The following CEACAM7 variants were observed in gnomAD, a reference collection of about 807,000 sequenced individuals.
CEACAM7 encodes the protein cell adhesion molecule CEACAM7.
A neutral mutation model predicts 25.7 loss-of-function variants in CEACAM7; 24 were observed. The ratio of observed to expected loss-of-function variants is 0.93; its 90% CI spans 0.68 to 1.31. The LOEUF (loss-of-function observed/expected upper bound fraction) is 1.31, where lower values mean the gene tolerates loss of function less well. CEACAM7 is among the 40% of genes most tolerant of loss of function. The pLI, the probability that CEACAM7 is intolerant of heterozygous loss-of-function variation, is 0.00. For synonymous variants in CEACAM7, 144 were observed against 129.4 expected, an observed-to-expected ratio of 1.11 and a Z score of -0.77; for missense variants, 324 against 330.1, an observed-to-expected ratio of 0.98 and a Z score of 0.14.
At chr19:41,680,039 C>T (rs1020812302) in intron 3 of CEACAM7, among the ~76,000 whole-genome samples, 22 of 132,914 alleles carry the variant, frequency 1.7e-4, no homozygotes, top group Middle Eastern at 5.0e-3. Context: ...AGGCTGGTCT[C>T]GAACTTGTGA....
At chr19:41,685,410 G>C (rs1373338620) in intron 2 of CEACAM7, among the ~76,000 whole-genome samples, 1 of 152,096 alleles carries the variant, frequency 6.6e-6, no homozygotes, top group African/African-American at 2.4e-5. Context: ...CACTGGGGTG[G>C]CTTTAGGGGC....
chr19:41,686,688 T>C (rs1317927866), intron 2 of CEACAM7, among the ~76,000 whole-genome samples, 171 bp downstream of exon 2: 1 of 152,122 alleles, frequency 6.6e-6, no homozygotes, highest in Non-Finnish European at 1.5e-5. Context: ...AGGAAAGGGA[T>C]TCTGGTCTGT....
Position 41,683,789 on chromosome 19 carries a change from G to A in CEACAM7, c.702C>T (p.Val234=), listed in dbSNP as rs782146934. Residue 234 remains valine, a synonymous_variant, in exon 3 of 5, where the codon GTC becomes GTT. Coordinates refer to ENST00000401731, the MANE Select transcript of CEACAM7 (RefSeq NM_001291485.2). ...ASRSDPVTLN[V]RYESVQASSP... is the part of the protein sequence containing the mutation. ...AGAGGAACAGAAGATACTCACAGCG[G>A]ACATTCAGGGTGACTGGGTCACTGC... is the stretch of plus-strand genomic sequence containing the variant. 26 of 1,614,028 alleles carry A rather than the reference G, an allele frequency of 1.6e-5. No individual in the cohort carries two copies. The highest frequency in any genetic ancestry group is 2.1e-5 in the Non-Finnish European group (25 of 1,179,906).
In CEACAM7 at chr19:41,683,879, G is replaced by A. The variant is rs1555810923; in HGVS notation, c.612C>T (p.Leu204=). 8.1e-6 allele frequency: 13 copies of A among 1,614,200 alleles called. No individual in the cohort carries two copies. Among genetic ancestry groups the A allele is most frequent in the East Asian group, 2.2e-5 (1 of 44,886 alleles). ...GTCCTATGTCATTCTTTGTGGCGCT[G>A]AGTAGAACGAGGGTCCTGTTGTCAG... The part of the protein sequence containing the change: ...LSTDNRTLVL[L]SATKNDIGPY... The change falls in exon 3 of 5, where the codon CTC becomes CTT. Residue 204 remains leucine (L), a synonymous_variant. Transcript: ENST00000401731.
chr19:41,680,298 T>A (rs527317223), intron 3 of CEACAM7, among the ~76,000 whole-genome samples: 9 of 151,994 alleles, frequency 5.9e-5, no homozygotes, highest in Non-Finnish European at 1.2e-4. Flanking sequence ...AAAGAATATA[T>A]TAATAAATGG....
chr19:41,684,201 C>T (rs528636303), intron 2 of CEACAM7, 138 bp from the exon 3 acceptor site: 2 of 858,670 alleles, frequency 2.3e-6, no homozygotes, highest in East Asian at 2.5e-5. Context: ...GTGTGTATCA[C>T]AAGACAGATG....
rs1026325414 is a variant in CEACAM7, at chr19:41,678,821, T to C, written c.707-1318A>G. Among the ~76,000 whole-genome samples the C allele has an allele frequency of 5.1e-4, 78 of 152,214 alleles. 3 individuals are homozygous for C. Among genetic ancestry groups the C allele is most frequent in the Admixed American group, 2.6e-4 (4 of 15,274 alleles). On this transcript the variant is annotated intron_variant, in intron 3 of 4. Transcript: ENST00000401731. The stretch of plus-strand genomic sequence containing the variant: ...TTACATTAAATCTTCAAAACAATAC[T>C]GTGAAACAGGCACTCTTATTGCAAT...
rs781950742 is a variant in CEACAM7 at position 41,687,182 on chromosome 19, T to C, written c.104A>G (p.Gln35Arg). 32 of 1,611,894 alleles carry C rather than the reference T, an allele frequency of 2.0e-5. No individual in the cohort carries two copies. The South Asian group carries it at 3.4e-4, about 17-fold the overall frequency. ...GAACGGCACGACATCAATATTGGTC[T>C]GGGCACTGTTTGGCAGGTTCCAGAA... ...LTFWNLPNSA[Q>R]TNIDVVPFNV... Residue 35 changes from glutamine (Q) to arginine (R), a missense_variant, in exon 2 of 5, where the codon CAG (glutamine) becomes CGG (arginine). Physicochemically the swap from Gln to Arg is conservative, Grantham distance 43. Coordinates refer to ENST00000401731, the MANE Select transcript of CEACAM7 (RefSeq NM_001291485.2).
rs1555810925 is a variant in CEACAM7 at position 41,683,881 on chromosome 19, G to T, written c.610C>A (p.Leu204Ile). 6.2e-7 allele frequency: 1 copy of T among 1,614,088 alleles called. No individual in the cohort carries two copies. The highest frequency in any genetic ancestry group is 8.5e-7 in the Non-Finnish European group (1 of 1,180,036). Residue 204 changes from leucine to isoleucine, a missense_variant, in exon 3 of 5, where the codon CTC becomes ATC. Leu to Ile is a conservative substitution (Grantham distance 5). Coordinates refer to ENST00000401731, the MANE Select transcript of CEACAM7 (RefSeq NM_001291485.2). Reference protein sequence around the residue: ...LSTDNRTLVLLSATKNDIGPY... With the variant: ...LSTDNRTLVLISATKNDIGPY... The stretch of plus-strand genomic sequence containing the variant: ...CCTATGTCATTCTTTGTGGCGCTGA[G>T]TAGAACGAGGGTCCTGTTGTCAGTG...
Position 41,683,849 on chromosome 19 carries a change from A to T in CEACAM7, c.642T>A (p.Tyr214Ter). ...CCACTGGGTTCTGTATTTCACATTCATAGGGTCCTATGTCATTCTTTGTGG... is the reference window on the plus strand; with the variant it reads ...CCACTGGGTTCTGTATTTCACATTCTTAGGGTCCTATGTCATTCTTTGTGG... ...LSATKNDIGPYECEIQNPVGA... is the reference protein window; with the variant it reads ...LSATKNDIGP Residue 214 changes from tyrosine to a stop codon, truncating the protein, a stop_gained, in exon 3 of 5, where the codon TAT becomes TAA. Transcript: ENST00000401731. LOFTEE classifies it high-confidence loss of function. The T allele has an allele frequency of 6.2e-7, 1 of 1,614,186 alleles. No individual in the cohort carries two copies. The highest frequency in any genetic ancestry group is 1.1e-5 in the South Asian group (1 of 91,082).
At chr19:41,681,582 G>C (rs1405667937) in intron 3 of CEACAM7, among the ~76,000 whole-genome samples, 1 of 152,084 alleles carries the variant, frequency 6.6e-6, no homozygotes, top group Non-Finnish European at 1.5e-5. Context: ...CCACACAATG[G>C]AAACTCATTC....
chr19:41,676,397 G>A (rs1238789125), intron 4 of CEACAM7, among the ~76,000 whole-genome samples: 1 of 152,086 alleles, frequency 6.6e-6, no homozygotes, highest in Non-Finnish European at 1.5e-5. Flanking sequence ...GTCTTGCTCT[G>A]TGGCCCAAGT....
chr19:41,675,477 T>C (rs2072105195), intron 4 of CEACAM7, among the ~76,000 whole-genome samples: 2 of 152,366 alleles, frequency 1.3e-5, no homozygotes, highest in African/African-American at 4.8e-5. Flanking sequence ...TTTTTTGTTC[T>C]GCCTGATCTT....
chr19:41,686,756 TA>T, intron 2 of CEACAM7, 102 bp downstream of exon 2: 2 of 1,304,176 alleles, frequency 1.5e-6, no homozygotes, highest in Non-Finnish European at 2.1e-6. Context: ...CAACACTGGA[TA>T]AAATGTAGAT....
rs781801243 is a variant in CEACAM7 at position 41,686,999 on chromosome 19, T to A, written c.287A>T (p.His96Leu). ...GGGGTATATTGTCTCTCGACCGTTG[T>A]GTGCGGGCCCTGGGGCATTTTCTTG... is the stretch of plus-strand genomic sequence containing the variant. ...ISQENAPGPA[H>L]NGRETIYPNG... Residue 96 changes from histidine to leucine, a missense_variant, in exon 2 of 5, where the codon CAC (histidine) becomes CTC (leucine). His to Leu is a moderately conservative substitution (Grantham distance 99, BLOSUM62 -3). Coordinates refer to ENST00000401731, the MANE Select transcript of CEACAM7 (RefSeq NM_001291485.2). 3.1e-6 allele frequency: 5 copies of A among 1,613,548 alleles called. No individual in the cohort carries two copies. Among genetic ancestry groups the A allele is most frequent in the East Asian group, 4.5e-5 (2 of 44,900 alleles).
At chr19:41,675,595 A>G (rs1471839915) in intron 4 of CEACAM7, among the ~76,000 whole-genome samples, 1 of 152,234 alleles carries the variant, frequency 6.6e-6, no homozygotes, top group African/African-American at 2.4e-5. Flanking sequence ...AACTTGTCAG[A>G]GTCTTAGCCA....
chr19:41,681,626 C>T (rs191267047), intron 3 of CEACAM7, among the ~76,000 whole-genome samples: 263 of 152,132 alleles, frequency 1.7e-3, no homozygotes, highest in African/African-American at 6.0e-3. Flanking sequence ...AATAAAATGC[C>T]GAGCATTTAC....
chr19:41,679,968 A>ATTTTTTTTT (rs35163344), intron 3 of CEACAM7, among the ~76,000 whole-genome samples: 4 of 68,880 alleles, frequency 5.8e-5, no homozygotes, highest in African/African-American at 2.4e-4. Context: ...CACCTGGCTA[A>ATTTTTTTTT]TTTTTTTTTT....
At chr19:41,677,543 A>G in intron 3 of CEACAM7, 40 bp from the exon 4 acceptor site, 2 of 1,499,004 alleles carry the variant, frequency 1.3e-6, no homozygotes, top group Non-Finnish European at 1.9e-6. Flanking sequence ...AGTTGATCTT[A>G]TTTTACAGGG....
Sources: gnomAD v4.1 joint callset for allele counts (sites outside exome capture counted in the v4.1 genomes callset) on GRCh38, gnomAD v4.1.1 for gene constraint, MANE v1.5 for transcripts, NCBI Gene and HGNC (gene_info 2026-07-23, HGNC 2026-07-21) for gene names.